CSMD1: variants seen among roughly 807,000 people sequenced by gnomAD.
The protein encoded by CSMD1 is CUB and Sushi multiple domains 1.
A neutral mutation model predicts 417.5 loss-of-function variants in CSMD1; 213 were observed. That is an observed-to-expected ratio of 0.51 (90% CI 0.46 to 0.57). The LOEUF (loss-of-function observed/expected upper bound fraction) is 0.57, where lower values mean the gene tolerates loss of function less well. CSMD1 is among the 20% of genes least tolerant of loss of function. The pLI, the probability that CSMD1 is intolerant of heterozygous loss-of-function variation, is 0.00. For missense variants in CSMD1, 6,923 were observed against 4,529.7 expected (o/e 1.53, Z -15.17); for synonymous variants, 2,862 against 1,736.8 (o/e 1.65, Z -16.11).
intron 3 of CSMD1, among the ~76,000 whole-genome samples, chr8:4,185,341 G>T (rs183590816): frequency 4.0e-4 from 61 of 152,032 alleles, no homozygotes; most frequent in African/African-American, 1.4e-3. Context: ...CAATAGTTTT[G>T]TCACAGGTTT....
intron 23 of CSMD1, among the ~76,000 whole-genome samples, chr8:3,318,630 C>T (rs1563267212): frequency 1.3e-5 from 2 of 152,134 alleles, no homozygotes; most frequent in African/African-American, 2.4e-5. Context: ...CATGGTTTTG[C>T]CCTTTGGGAC....
chr8:3,725,334 T>G (rs1198723501), intron 6 of CSMD1, among the ~76,000 whole-genome samples: 1 of 152,180 alleles, frequency 6.6e-6, no homozygotes, highest in African/African-American at 2.4e-5. Context: ...AGGACAAACA[T>G]ATCCCTGCAT....
At chr8:3,810,272 A>C (rs1800991905) in intron 5 of CSMD1, among the ~76,000 whole-genome samples, 1 of 152,180 alleles carries the variant, frequency 6.6e-6, no homozygotes, top group Non-Finnish European at 1.5e-5. Context: ...ACTTCCATGT[A>C]TTCCTGATGT....
rs531735513 is a variant in CSMD1 at position 4,762,234 on chromosome 8, C to T, written c.86-124676G>A. Among the ~76,000 whole-genome samples, 13 of 151,990 alleles carry T rather than the reference C, an allele frequency of 8.6e-5. No homozygotes were observed. The South Asian group carries it at 1.7e-3, about 19-fold the overall frequency. Reference sequence around the variant, plus strand: ...ATCATATCTGCATGGTACCTGCTTGCGCTATTTTAAAATCTAAACTAATGG... The same window carrying T: ...ATCATATCTGCATGGTACCTGCTTGTGCTATTTTAAAATCTAAACTAATGG... On this transcript the variant is annotated intron_variant, in intron 1 of 69. Transcript: ENST00000635120.
In CSMD1 at chr8:3,803,500, G is replaced by A. The variant is rs1447825463; in HGVS notation, c.819-49458C>T. Among the ~76,000 whole-genome samples, 3 of 152,250 alleles carry A rather than the reference G, an allele frequency of 2.0e-5. No homozygotes were observed. In the East Asian group the frequency reaches 5.8e-4, roughly 29 times the overall value. On this transcript the variant is annotated intron_variant, in intron 5 of 69. Coordinates refer to ENST00000635120, the MANE Select transcript of CSMD1 (RefSeq NM_033225.6). ...CTTCAGAGGCTGAATAACAAGAAGA[G>A]CCCATGCACAGAAAACCCAGGGGCT... is the stretch of plus-strand genomic sequence containing the variant.
chr8:3,165,529 T>C (rs1820152432), intron 37 of CSMD1, among the ~76,000 whole-genome samples: 1 of 152,040 alleles, frequency 6.6e-6, no homozygotes. Flanking sequence ...CCTCCCGGGT[T>C]CATGCCATTC....
At chr8:3,567,248 A>G (rs1799752668) in intron 10 of CSMD1, among the ~76,000 whole-genome samples, 1 of 151,980 alleles carries the variant, frequency 6.6e-6, no homozygotes, top group Non-Finnish European at 1.5e-5. Context: ...GAGGGAAACA[A>G]TGGTCACTAG....
At chr8:3,056,026 T>A (rs1393017826) in intron 49 of CSMD1, among the ~76,000 whole-genome samples, 1 of 152,224 alleles carries the variant, frequency 6.6e-6, no homozygotes, top group African/African-American at 2.4e-5. Context: ...GAAAATCTAA[T>A]AATTATGTTA....
chr8:3,164,279 G>A (rs1820078960), intron 37 of CSMD1, among the ~76,000 whole-genome samples: 1 of 152,248 alleles, frequency 6.6e-6, no homozygotes, highest in East Asian at 1.9e-4. Context: ...TAGGAGGAGT[G>A]CCACGAACTT....
chr8:4,012,535 A>T (rs1206213868), intron 4 of CSMD1, among the ~76,000 whole-genome samples: 1 of 152,076 alleles, frequency 6.6e-6, no homozygotes, highest in African/African-American at 2.4e-5. Context: ...CCAGGTAGTG[A>T]TCACAGCACC....
At chr8:4,606,653 T>C (rs1417530265) in intron 2 of CSMD1, among the ~76,000 whole-genome samples, 1 of 152,176 alleles carries the variant, frequency 6.6e-6, no homozygotes, top group African/African-American at 2.4e-5. Flanking sequence ...CAGTCAACCA[T>C]GATGTGTTCT....
At chr8:3,898,582 A>G (rs1312925958) in intron 5 of CSMD1, among the ~76,000 whole-genome samples, 2 of 152,250 alleles carry the variant, frequency 1.3e-5, no homozygotes, top group Non-Finnish European at 2.9e-5. Flanking sequence ...ATGAAGATAG[A>G]AAAAAGATTT....
intron 49 of CSMD1, among the ~76,000 whole-genome samples, chr8:3,075,931 G>A (rs1813639597): frequency 1.3e-5 from 2 of 150,920 alleles, no homozygotes; most frequent in South Asian, 4.2e-4. Flanking sequence ...GGCGCCTGTA[G>A]TCCCAGCTCC....
chr8:4,566,777 G>C (rs527476915), intron 2 of CSMD1, among the ~76,000 whole-genome samples: 6 of 150,534 alleles, frequency 4.0e-5, no homozygotes, highest in African/African-American at 1.2e-4. Context: ...TTATTTTAAT[G>C]AATAAAATCG....
chr8:4,767,400 A>G (rs1812536223), intron 1 of CSMD1, among the ~76,000 whole-genome samples: 1 of 152,188 alleles, frequency 6.6e-6, no homozygotes, highest in Admixed American at 6.5e-5. Flanking sequence ...TTATTCTGGT[A>G]CCTGTGCACT....
At chr8:4,802,832 GT>G (rs1466805710) in intron 1 of CSMD1, among the ~76,000 whole-genome samples, 1 of 152,142 alleles carries the variant, frequency 6.6e-6, no homozygotes, top group Non-Finnish European at 1.5e-5. Flanking sequence ...ATAATACTTA[GT>G]TTTTGAAAAA....
chr8:4,884,875 G>A (rs1040332659), intron 1 of CSMD1, among the ~76,000 whole-genome samples: 3 of 151,992 alleles, frequency 2.0e-5, no homozygotes, highest in East Asian at 1.9e-4. Context: ...ATAAATTTTA[G>A]GGTCAGCTTA....
intron 3 of CSMD1, among the ~76,000 whole-genome samples, chr8:4,287,038 A>G (rs1184315434): frequency 6.6e-6 from 1 of 152,224 alleles, no homozygotes; most frequent in African/African-American, 2.4e-5. Context: ...CTTCATTTAG[A>G]GAATGATTGT....
At chr8:3,057,181 G>C (rs1211612190) in intron 49 of CSMD1, among the ~76,000 whole-genome samples, 1 of 152,060 alleles carries the variant, frequency 6.6e-6, no homozygotes, top group East Asian at 1.9e-4. Context: ...CACACACGTG[G>C]TAAATACCTA....
Sources: gnomAD v4.1 joint callset for allele counts (sites outside exome capture counted in the v4.1 genomes callset) on GRCh38, gnomAD v4.1.1 for gene constraint, MANE v1.5 for transcripts, NCBI Gene and HGNC (gene_info 2026-07-23, HGNC 2026-07-21) for gene names.